GRID1: variants seen among roughly 807,000 people sequenced by gnomAD.
The protein encoded by GRID1 is glutamate receptor ionotropic, delta-1.
A neutral mutation model predicts 98.0 loss-of-function variants in GRID1; 28 were observed. The ratio of observed to expected loss-of-function variants is 0.29; its 90% CI spans 0.21 to 0.39. The LOEUF is 0.39. Among genes scored for constraint, GRID1 ranks in the 10% least tolerant of loss-of-function variants. The pLI is 1.00. For synonymous variants in GRID1, 553 were observed against 538.5 expected, an observed-to-expected ratio of 1.03 and a Z score of -0.37; for missense variants, 1,111 against 1,340.5, an observed-to-expected ratio of 0.83 and a Z score of 2.67.
chr10:86,213,243 C>T (rs1464732803), intron 2 of GRID1, among the ~76,000 whole-genome samples: 1 of 152,136 alleles, frequency 6.6e-6, no homozygotes. Flanking sequence ...CACGCTCCTC[C>T]ACACTGCCGG....
At position 85,801,133 on chromosome 10, in the gene GRID1, T is replaced by A. The variant is rs183358707; in HGVS notation, c.1233+53363A>T. The stretch of plus-strand genomic sequence containing the variant: ...TGAGAGAATATTATTAATTCCTTTA[T>A]GCTAATAACTTTTAGAAGTTAGAAA... On this transcript the variant is annotated intron_variant, in intron 8 of 15. Transcript: ENST00000327946. Among the ~76,000 whole-genome samples the A allele has an allele frequency of 1.5e-3, 226 of 152,158 alleles. 1 individual carries two copies. Among genetic ancestry groups the A allele is most frequent in the African/African-American group, 5.2e-3 (218 of 41,538 alleles).
At chr10:86,043,211 A>G in intron 4 of GRID1, among the ~76,000 whole-genome samples, 1 of 152,196 alleles carries the variant, frequency 6.6e-6, no homozygotes, top group East Asian at 1.9e-4. Context: ...CAAGCCCCTC[A>G]TCACAGGCAA....
intron 4 of GRID1, among the ~76,000 whole-genome samples, chr10:86,134,982 T>G (rs111600875): frequency 1.0e-3 from 152 of 152,222 alleles, no homozygotes; most frequent in African/African-American, 3.2e-3. Context: ...ACATAGAACT[T>G]GGCACAGGCT....
At position 85,850,969 on chromosome 10, in the gene GRID1, T is replaced by C. The variant is rs547105407; in HGVS notation, c.1233+3527A>G. ...TGCTTAACAGTTCCTGCCCGCTCCCTACACCCAGCAGCTTCCCACACACAC... is the reference window on the plus strand; with the variant it reads ...TGCTTAACAGTTCCTGCCCGCTCCCCACACCCAGCAGCTTCCCACACACAC... On this transcript the variant is annotated intron_variant, in intron 8 of 15. Coordinates refer to ENST00000327946, the MANE Select transcript of GRID1 (RefSeq NM_017551.3). Among the ~76,000 whole-genome samples the C allele has an allele frequency of 4.6e-5, 7 of 152,248 alleles. No homozygotes were observed. In the South Asian group the frequency reaches 1.5e-3, roughly 32 times the overall value.
At chr10:85,735,288 AAGAC>A (rs2132665266) in intron 8 of GRID1, among the ~76,000 whole-genome samples, 1 of 152,302 alleles carries the variant, frequency 6.6e-6, no homozygotes, top group South Asian at 2.1e-4. Context: ...GCTATTTGAT[AAGAC>A]AGCTACGGTT....
At chr10:86,187,766 C>T (rs886508150) in intron 3 of GRID1, among the ~76,000 whole-genome samples, 3 of 152,224 alleles carry the variant, frequency 2.0e-5, no homozygotes, top group Non-Finnish European at 4.4e-5. Context: ...CCATTATCGG[C>T]TCATTTCCAT....
chr10:85,708,965 A>G (rs989899296), intron 12 of GRID1: 3 of 230,018 alleles, frequency 1.3e-5, no homozygotes, highest in South Asian at 6.7e-5. Flanking sequence ...TATATACCAT[A>G]TATCAATGAA....
At chr10:85,605,176 C>T (rs1458613346) in intron 15 of GRID1, among the ~76,000 whole-genome samples, 2 of 152,198 alleles carry the variant, frequency 1.3e-5, no homozygotes, top group East Asian at 1.9e-4. Context: ...CTTGGGGCTG[C>T]TATGAGCTCC....
At position 86,034,922 on chromosome 10, in the gene GRID1, A is replaced by T. The variant is rs754224361; in HGVS notation, c.726+103897T>A. On this transcript the variant is annotated intron_variant, in intron 4 of 15. Transcript: ENST00000327946. ...GATTGGTGGATGGATGGATGGATGG[A>T]TGGATGGATGGATGGATGGATGGAT... is the stretch of plus-strand genomic sequence containing the variant. 1.6e-3 allele frequency among the ~76,000 whole-genome samples: 244 copies of T among 150,824 alleles called. 3 individuals are homozygous for T. Among genetic ancestry groups the T allele is most frequent in the Admixed American group, 4.6e-4 (7 of 15,186 alleles).
intron 4 of GRID1, among the ~76,000 whole-genome samples, chr10:85,988,244 C>CA (rs1842636550): frequency 6.6e-6 from 1 of 152,126 alleles, no homozygotes; most frequent in Non-Finnish European, 1.5e-5. Flanking sequence ...CCCTGAGACC[C>CA]AATCATTGAT....
intron 8 of GRID1, among the ~76,000 whole-genome samples, chr10:85,831,404 C>T (rs1842866260): frequency 1.3e-5 from 2 of 151,934 alleles, no homozygotes; most frequent in Non-Finnish European, 2.9e-5. Context: ...ACCTATATAA[C>T]AAACCTGCAT....
chr10:86,026,755 C>G (rs999893372), intron 4 of GRID1, among the ~76,000 whole-genome samples: 2 of 152,214 alleles, frequency 1.3e-5, no homozygotes, highest in African/African-American at 4.8e-5. Flanking sequence ...GCTCAATAAA[C>G]AACAGTGGCT....
At chr10:86,035,431 T>C (rs1843247067) in intron 4 of GRID1, among the ~76,000 whole-genome samples, 2 of 152,192 alleles carry the variant, frequency 1.3e-5, no homozygotes, top group African/African-American at 4.8e-5. Context: ...TCAAGTGCCC[T>C]CTTGACTATG....
intron 2 of GRID1, among the ~76,000 whole-genome samples, chr10:86,344,562 C>T (rs151238866): frequency 1.8e-3 from 269 of 152,338 alleles, no homozygotes; most frequent in African/African-American, 6.2e-3. Context: ...GCAATGCCAC[C>T]AGGTGCTGGG....
intron 2 of GRID1, among the ~76,000 whole-genome samples, chr10:86,241,695 A>G (rs1295072489): frequency 6.6e-6 from 1 of 152,258 alleles, no homozygotes; most frequent in African/African-American, 2.4e-5. Context: ...ATGAGCCTCA[A>G]TTCCACAATA....
At chr10:85,682,276 T>G (rs1841219027) in intron 12 of GRID1, among the ~76,000 whole-genome samples, 1 of 152,128 alleles carries the variant, frequency 6.6e-6, no homozygotes, top group East Asian at 1.9e-4. Context: ...TGGAAAAAAA[T>G]GCAATCCCCA....
chr10:85,911,123 G>A (rs1841531366), intron 5 of GRID1, among the ~76,000 whole-genome samples: 1 of 152,194 alleles, frequency 6.6e-6, no homozygotes, highest in Admixed American at 6.5e-5. Context: ...CAGGCTGGAT[G>A]AAGTGGGCAG....
chr10:86,062,496 G>A (rs781008207), intron 4 of GRID1, among the ~76,000 whole-genome samples: 8 of 151,960 alleles, frequency 5.3e-5, no homozygotes, highest in Non-Finnish European at 1.2e-4. Flanking sequence ...ACTCCTCTGC[G>A]AGCACCTTCT....
chr10:85,891,033 GTCC>G (rs1412849742), intron 5 of GRID1, among the ~76,000 whole-genome samples: 1 of 152,104 alleles, frequency 6.6e-6, no homozygotes, highest in Non-Finnish European at 1.5e-5. Flanking sequence ...ATCCTTCACA[GTCC>G]TCATTTGCTT....
Sources: gnomAD v4.1 joint callset for allele counts (sites outside exome capture counted in the v4.1 genomes callset) on GRCh38, gnomAD v4.1.1 for gene constraint, MANE v1.5 for transcripts, NCBI Gene and HGNC (gene_info 2026-07-23, HGNC 2026-07-21) for gene names.